The following TCF20 variants were observed in gnomAD, a reference collection of about 807,000 sequenced individuals.
TCF20 encodes the protein transcription factor 20, also known as SPRE-binding protein.
TCF20 carries 3 observed loss-of-function variants against 148.6 expected under a neutral mutation model. The observed-to-expected ratio is 0.02, with a 90% CI of 0.01 to 0.05. The LOEUF (loss-of-function observed/expected upper bound fraction) is 0.05. Ranked by LOEUF, TCF20 falls within the 10% of genes least tolerant of loss-of-function variation. TCF20 has a pLI of 1.00. For missense variants in TCF20, 2,350 were observed against 2,429.3 expected (o/e 0.97, Z 0.69); for synonymous variants, 1,049 against 909.5 (o/e 1.15, Z -2.76).
intron 1 of TCF20, among the ~76,000 whole-genome samples, chr22:42,326,079 G>C (rs916693829): frequency 6.6e-6 from 1 of 152,032 alleles, no homozygotes; most frequent in Non-Finnish European, 1.5e-5. Context: ...CAGCTGCTGA[G>C]GGTCCCTTTG....
At chr22:42,235,670 A>G (rs1306532382) in intron 1 of TCF20, among the ~76,000 whole-genome samples, 2 of 152,190 alleles carry the variant, frequency 1.3e-5, no homozygotes, top group Non-Finnish European at 2.9e-5. Flanking sequence ...GAATTAAGAA[A>G]TCTAAATACT....
At position 42,211,840 on chromosome 22, in the gene TCF20, T is replaced by G. The variant is rs776421219; in HGVS notation, c.3466A>C (p.Ser1156Arg). The change falls in exon 2 of 6, where the codon AGT (serine) becomes CGT (arginine). Residue 1156 changes from serine to arginine, a missense_variant. Transcript: ENST00000677622. ...AGGCAGCGCCCAGCCTCCTGGGCACTGGGGTCATGGTAAGTCCCCACTGGT... is the reference window on the plus strand; with the variant it reads ...AGGCAGCGCCCAGCCTCCTGGGCACGGGGGTCATGGTAAGTCCCCACTGGT... ...GPPVGTYHDP[S>R]AQEAGRCLMS... The G allele has an allele frequency of 3.1e-6, 5 of 1,614,078 alleles. No individual in the cohort carries two copies. In the African/African-American group the frequency reaches 5.3e-5, roughly 17 times the overall value.
At chr22:42,271,890 G>C (rs995027800), upstream of TCF20, among the ~76,000 whole-genome samples, 1 of 152,150 alleles carries the variant, frequency 6.6e-6, no homozygotes, top group South Asian at 2.1e-4. Flanking sequence ...ACAGCTTCCC[G>C]GGGCCTGCTT....
At chr22:42,163,305 A>T (rs911541931) in intron 5 of TCF20, among the ~76,000 whole-genome samples, 2 of 152,236 alleles carry the variant, frequency 1.3e-5, no homozygotes. Flanking sequence ...TGGCCCAGGC[A>T]GCGGCAGTTC....
chr22:42,242,351 A>C (rs1924515017), intron 1 of TCF20, among the ~76,000 whole-genome samples: 1 of 152,016 alleles, frequency 6.6e-6, no homozygotes, highest in Non-Finnish European at 1.5e-5. Context: ...AGAACAAATA[A>C]GAGATATCAC....
At chr22:42,179,471 A>G in intron 3 of TCF20, 138 bp downstream of exon 3, 1 of 583,746 alleles carries the variant, frequency 1.7e-6, no homozygotes, top group Non-Finnish European at 2.9e-6. Flanking sequence ...AATGGGTGGG[A>G]AGTTTTTTTA....
At chr22:42,245,930 C>CA (rs1924863677) in intron 1 of TCF20, among the ~76,000 whole-genome samples, 1 of 151,992 alleles carries the variant, frequency 6.6e-6, no homozygotes. Context: ...CAAATTTTTA[C>CA]AACGTATTAT....
intron 1 of TCF20, among the ~76,000 whole-genome samples, chr22:42,339,418 G>T (rs1032899151): frequency 7.2e-5 from 11 of 152,140 alleles, no homozygotes; most frequent in Non-Finnish European, 1.3e-4. Flanking sequence ...TGGGTACCTG[G>T]TACCCCCTGG....
chr22:42,229,778 G>A (rs185706920), intron 1 of TCF20, among the ~76,000 whole-genome samples: 156 of 152,218 alleles, frequency 1.0e-3, no homozygotes, highest in African/African-American at 3.4e-3. Flanking sequence ...TCAGGAAAAC[G>A]GCTCAGCTTG....
rs538589688 is a variant in TCF20, at chr22:42,338,453, G to A, written c.-37+5026C>T. ...GCCCAGGGGGCCTCAGCAGAGCCCC[G>A]TCCCTCCCGGCAGCCCGGCCTGCAG... On this transcript the variant is annotated intron_variant, in intron 1 of 1. Transcript: ENST00000515426. This position sits in a 1 kb window ranked among gnomAD's most constrained non-coding sequence, Gnocchi z 4.0. 1.8e-4 allele frequency among the ~76,000 whole-genome samples: 28 copies of A among 152,162 alleles called. No individual in the cohort carries two copies. The highest frequency in any genetic ancestry group is 3.4e-4 in the Non-Finnish European group (23 of 68,028).
intron 1 of TCF20, among the ~76,000 whole-genome samples, chr22:42,242,044 T>C (rs1202149506): frequency 6.6e-6 from 1 of 150,988 alleles, no homozygotes; most frequent in Non-Finnish European, 1.5e-5. Context: ...CTACTAAAAA[T>C]ACAAAAAATT....
At chr22:42,222,845 G>A (rs1922502229) in intron 1 of TCF20, among the ~76,000 whole-genome samples, 1 of 152,134 alleles carries the variant, frequency 6.6e-6, no homozygotes, top group African/African-American at 2.4e-5. Flanking sequence ...TCTAAGGTAT[G>A]TACCACTGAT....
At chr22:42,273,229 G>A (rs562873272), upstream of TCF20, among the ~76,000 whole-genome samples, 4 of 151,602 alleles carry the variant, frequency 2.6e-5, no homozygotes, top group South Asian at 6.3e-4. Flanking sequence ...GCGTGGTGGC[G>A]GGCGCCTGTA....
At position 42,168,601 on chromosome 22, in the gene TCF20, C is replaced by T. The variant is rs141457938; in HGVS notation, c.*44+8G>A. 6.5e-4 allele frequency: 1,017 copies of T among 1,555,782 alleles called. 2 individuals carry two copies. The highest frequency in any genetic ancestry group is 4.2e-3 in the Middle Eastern group (20 of 4,710). On this transcript the variant is annotated splice_region_variant and intron_variant, in intron 5 of 5. Coordinates refer to ENST00000677622, the MANE Select transcript of TCF20 (RefSeq NM_001378418.1). ...CAGGATGCAGGGAGCCCGGTGGCCC[C>T]GACTCACCTGTGCTTGCTGTCCTTT...
chr22:42,244,371 G>A (rs1218382150), intron 1 of TCF20, among the ~76,000 whole-genome samples: 1 of 152,148 alleles, frequency 6.6e-6, no homozygotes, highest in Non-Finnish European at 1.5e-5. Flanking sequence ...TAGCCAAAAG[G>A]TGGAAACAAC....
At chr22:42,199,340 C>T (rs1173642833) in intron 2 of TCF20, among the ~76,000 whole-genome samples, 1 of 152,046 alleles carries the variant, frequency 6.6e-6, no homozygotes, top group Non-Finnish European at 1.5e-5. Context: ...AGCGACGATT[C>T]CCACTTCAGA....
At chr22:42,283,904 C>A (rs1926970529) in exon 1 of TCF20, among the ~76,000 whole-genome samples, 1 of 152,250 alleles carries the variant, frequency 6.6e-6, no homozygotes, top group African/African-American at 2.4e-5. Flanking sequence ...GAAAACAACT[C>A]CTGAGCCGAG....
At chr22:42,186,452 T>C (rs942278398) in intron 2 of TCF20, among the ~76,000 whole-genome samples, 1 of 152,242 alleles carries the variant, frequency 6.6e-6, no homozygotes, top group Admixed American at 6.5e-5. Flanking sequence ...TTCATCTCTG[T>C]CATACTTTGG....
intron 2 of TCF20, among the ~76,000 whole-genome samples, chr22:42,185,102 G>C (rs910360721): frequency 2.6e-5 from 4 of 152,200 alleles, no homozygotes; most frequent in African/African-American, 9.7e-5. Flanking sequence ...ACAGCAACCT[G>C]AATCATCATC....
Sources: gnomAD v4.1 joint callset for allele counts (sites outside exome capture counted in the v4.1 genomes callset) on GRCh38, gnomAD v4.1.1 for gene constraint, Gnocchi (gnomAD v3.1) non-coding constraint, MANE v1.5 for transcripts, NCBI Gene and HGNC (gene_info 2026-07-23, HGNC 2026-07-21) for gene names.